The following HERC2 variants were observed in gnomAD, a reference collection of about 807,000 sequenced individuals.
The protein encoded by HERC2 is HECT and RLD domain containing E3 ubiquitin protein ligase 2.
HERC2 carries 102 observed loss-of-function variants against 537.7 expected under a neutral mutation model. The ratio of observed to expected loss-of-function variants is 0.19; its 90% CI spans 0.16 to 0.22. The LOEUF (loss-of-function observed/expected upper bound fraction) is 0.22. HERC2 is among the 10% of genes least tolerant of loss of function. HERC2 has a pLI of 1.00. For synonymous variants in HERC2, 2,224 were observed against 2,466.2 expected (o/e 0.90, Z 2.91); for missense variants, 4,236 against 6,198.2 (o/e 0.68, Z 10.63).
At chr15:28,310,597 T>C (rs1222788510) in intron 2 of HERC2, among the ~76,000 whole-genome samples, 1 of 152,174 alleles carries the variant, frequency 6.6e-6, no homozygotes, top group African/African-American at 2.4e-5. Flanking sequence ...AGTGAATACG[T>C]GCACTGGGGT....
chr15:28,308,743 A>C (rs1038522495), intron 2 of HERC2, among the ~76,000 whole-genome samples: 2 of 152,192 alleles, frequency 1.3e-5, no homozygotes, highest in African/African-American at 4.8e-5. Flanking sequence ...CAGTTTTAAG[A>C]GATTTTATCA....
rs1177519879 is a variant in HERC2, at chr15:28,315,816, G to C, written c.72+5546C>G. On this transcript the variant is annotated intron_variant, in intron 2 of 92. Coordinates refer to ENST00000261609, the MANE Select transcript of HERC2 (RefSeq NM_004667.6). Reference sequence around the variant, plus strand: ...TGGAGGCCACAGGAGCAGAAACATGGAATGCCAGACGCTGGGGATGCTGGT... The same window carrying C: ...TGGAGGCCACAGGAGCAGAAACATGCAATGCCAGACGCTGGGGATGCTGGT... The C allele has an allele frequency of 8.2e-6, 8 of 979,386 alleles. No homozygotes were observed. In the African/African-American group the frequency reaches 1.2e-4, roughly 15 times the overall value. 60.7% of individuals were successfully genotyped at this position (979,386 alleles called of 1,614,324 possible). A position where few individuals can be genotyped will look rare whatever the true frequency, so the allele number is the denominator to read the frequency against.
At chr15:28,117,240 G>T in intron 86 of HERC2, 86 bp from the exon 87 acceptor site, 1 of 1,339,186 alleles carries the variant, frequency 7.5e-7, no homozygotes, top group Non-Finnish European at 1.1e-6. Context: ...GCGAATGCAC[G>T]AGGAGGAGGC....
chr15:28,231,158 A>C (rs1353228273), intron 30 of HERC2, among the ~76,000 whole-genome samples: 2 of 152,118 alleles, frequency 1.3e-5, no homozygotes, highest in Non-Finnish European at 2.9e-5. Context: ...TTTTGGTCTA[A>C]ATCTCCTCAG....
chr15:28,248,928 G>A (rs550224972), intron 20 of HERC2, among the ~76,000 whole-genome samples, 192 bp from the exon 21 acceptor site: 1 of 152,270 alleles, frequency 6.6e-6, no homozygotes, highest in African/African-American at 2.4e-5. Flanking sequence ...GGAGCAGAAG[G>A]GCACGGAAGG....
rs1425520544 is a variant in HERC2 at position 28,122,973 on chromosome 15, C to T, written c.13188+1064G>A. 1.3e-5 allele frequency among the ~76,000 whole-genome samples: 2 copies of T among 152,114 alleles called. No individual in the cohort carries two copies. The highest frequency in any genetic ancestry group is 2.9e-5 in the Non-Finnish European group (2 of 68,038). On this transcript the variant is annotated intron_variant, in intron 85 of 92. Coordinates refer to ENST00000261609, the MANE Select transcript of HERC2 (RefSeq NM_004667.6). This position sits in a 1 kb window ranked among gnomAD's most constrained non-coding sequence, Gnocchi z 4.1. The stretch of plus-strand genomic sequence containing the variant: ...TCCTCTGTGCTGCCTATTATCATCA[C>T]CACTTTGAAGGATTAAAAAAAGAAG...
At position 28,182,421 on chromosome 15, in the gene HERC2, C is replaced by A; in HGVS notation, c.8917G>T (p.Gly2973Cys). The change falls in exon 57 of 93, where the codon GGC (glycine) becomes TGC (cysteine). Residue 2973 changes from glycine to cysteine, a missense_variant. Coordinates refer to ENST00000261609, the MANE Select transcript of HERC2 (RefSeq NM_004667.6). Reference protein sequence around the residue: ...VWGLNDKDQLGGLKGSKIKVP... With the variant: ...VWGLNDKDQLCGLKGSKIKVP... ...CGTACCTTGGAGCCTTTCAGCCCGCCCAGCTGGTCCTTGTCATTCAGGCCC... is the reference window on the plus strand; with the variant it reads ...CGTACCTTGGAGCCTTTCAGCCCGCACAGCTGGTCCTTGTCATTCAGGCCC... The A allele has an allele frequency of 1.2e-6, 2 of 1,613,698 alleles. No individual in the cohort carries two copies. Among genetic ancestry groups the A allele is most frequent in the South Asian group, 2.2e-5 (2 of 91,050 alleles).
intron 38 of HERC2, among the ~76,000 whole-genome samples, chr15:28,216,429 C>T (rs1899912339): frequency 6.6e-6 from 1 of 150,836 alleles, no homozygotes; most frequent in Non-Finnish European, 1.5e-5. Context: ...ACCAGTGGGC[C>T]CACCTCTGCT....
chr15:28,118,219 GA>G (rs1888492675), intron 86 of HERC2: 2 of 158,320 alleles, frequency 1.3e-5, no homozygotes, highest in South Asian at 3.6e-4. Context: ...TAGGCTACAA[GA>G]AAAGAACAGG....
chr15:28,161,910 T>G (rs1448150439), intron 69 of HERC2, among the ~76,000 whole-genome samples: 4 of 152,220 alleles, frequency 2.6e-5, no homozygotes. Flanking sequence ...AGTTATTCAA[T>G]AAATGATGTT....
chr15:28,185,410 A>C (rs1280869513), intron 56 of HERC2, among the ~76,000 whole-genome samples: 1 of 152,192 alleles, frequency 6.6e-6, no homozygotes, highest in African/African-American at 2.4e-5. Context: ...CGCCTTGGGA[A>C]TGTTAACAAC....
rs1596221204 is a variant in HERC2 at position 28,205,363 on chromosome 15, C to T, written c.7212+877G>A. ...ACACAACCAGGCCCTTTAAAATGAA[C>T]CTTCACCTTGGAGGTTCCCAGACCT... On this transcript the variant is annotated intron_variant, in intron 45 of 92. Coordinates refer to ENST00000261609, the MANE Select transcript of HERC2 (RefSeq NM_004667.6). 2.4e-5 allele frequency among the ~76,000 whole-genome samples: 3 copies of T among 125,530 alleles called. No homozygotes were observed. In the Middle Eastern group the frequency reaches 0.011, roughly 455 times the overall value. The allele number at this position is 125,530 out of a possible 152,430, so 82.4% of individuals were successfully genotyped here. A position where few individuals can be genotyped will look rare whatever the true frequency, so the allele number is the denominator to read the frequency against.
chr15:28,143,877 G>A lies in HERC2; in HGVS notation c.11414C>T (p.Ala3805Val), dbSNP rs138338453. 92 of 1,614,108 alleles carry A rather than the reference G, an allele frequency of 5.7e-5. 1 individual carries two copies. The African/African-American group carries it at 1.1e-3, about 20-fold the overall frequency. ...LLGENDGETR[A>V]LSFTGSALAA... ...TTGTACTAGAATGCTCCATACCAAA[G>A]CTCTTGTTTCCCCATCATTTTCTCC... Residue 3805 changes from alanine (A) to valine (V), a missense_variant, in exon 74 of 93, where the codon GCT (alanine) becomes GTT (valine). Transcript: ENST00000261609.
Position 28,265,122 on chromosome 15 carries a change from A to G in HERC2, c.1870+496T>C, listed in dbSNP as rs1295363601. Among the ~76,000 whole-genome samples, 2 of 152,166 alleles carry G rather than the reference A, an allele frequency of 1.3e-5. No homozygotes were observed. The highest frequency in any genetic ancestry group is 2.9e-5 in the Non-Finnish European group (2 of 68,040). ...GGACAGACCACCACAATACTGAAAG[A>G]CGAGTCATTTCTAAAATATTAACAT... On this transcript the variant is annotated intron_variant, in intron 14 of 92. Coordinates refer to ENST00000261609, the MANE Select transcript of HERC2 (RefSeq NM_004667.6). The surrounding 1 kb of genome is among the most constrained non-coding windows in gnomAD (Gnocchi z 4.0).
In HERC2 at chr15:28,124,228, T is replaced by A; in HGVS notation, c.12997A>T (p.Met4333Leu). 1 of 1,484,930 alleles carries A rather than the reference T, an allele frequency of 6.7e-7. No individual in the cohort carries two copies. The highest frequency in any genetic ancestry group is 9.0e-7 in the Non-Finnish European group (1 of 1,111,106). 92.0% of individuals were successfully genotyped at this position (1,484,930 alleles called of 1,614,324 possible). Reference sequence around the variant, plus strand: ...ATCTCCTGCAGGTGATTGTACTCCATGGGGACCTAGAACACAGAAATGGCC... The same window carrying A: ...ATCTCCTGCAGGTGATTGTACTCCAAGGGGACCTAGAACACAGAAATGGCC... The part of the protein sequence containing the change: ...SAGKLPAQVP[M>L]EYNHLQEIPI... Residue 4333 changes from methionine to leucine, a missense_variant, in exon 85 of 93, where the codon ATG becomes TTG. Physicochemically the swap from Met to Leu is conservative, Grantham distance 15. Around this residue, in one of 27 missense-constraint regions of HERC2, gnomAD observed 189 missense variants for 255.7 expected, o/e 0.74. Transcript: ENST00000261609.
At chr15:28,196,121 G>C in intron 52 of HERC2, 94 bp downstream of exon 52, 1 of 1,252,458 alleles carries the variant, frequency 8.0e-7, no homozygotes, top group Non-Finnish European at 1.1e-6. Flanking sequence ...GTATACATAG[G>C]AACCTTAAAA....
intron 45 of HERC2, among the ~76,000 whole-genome samples, chr15:28,204,392 A>T (rs1482198821): frequency 1.3e-5 from 2 of 152,104 alleles, no homozygotes; most frequent in Admixed American, 6.5e-5. Context: ...GAGCCCGAGG[A>T]GGGCGGATCA....
At chr15:28,243,021 T>C (rs1033493887) in intron 23 of HERC2, among the ~76,000 whole-genome samples, 8 of 152,204 alleles carry the variant, frequency 5.3e-5, no homozygotes, top group African/African-American at 1.9e-4. Flanking sequence ...TGTCACCATT[T>C]CTACTCCACA....
chr15:28,254,725 G>C (rs1194025629), intron 19 of HERC2, among the ~76,000 whole-genome samples: 13 of 152,160 alleles, frequency 8.5e-5, no homozygotes, highest in Non-Finnish European at 1.3e-4. Flanking sequence ...ACAGAATCAA[G>C]GTCCAGGCTG....
Sources: gnomAD v4.1 joint callset for allele counts (sites outside exome capture counted in the v4.1 genomes callset) on GRCh38, gnomAD v4.1.1 for gene constraint, gnomAD v4.1.1 regional missense constraint, Gnocchi (gnomAD v3.1) non-coding constraint, MANE v1.5 for transcripts, NCBI Gene and HGNC (gene_info 2026-07-23, HGNC 2026-07-21) for gene names.